The following RABGAP1L variants were observed in gnomAD, a reference collection of about 807,000 sequenced individuals.
The protein encoded by RABGAP1L is rab GTPase-activating protein 1-like.
In RABGAP1L, 63 loss-of-function variants were observed where a neutral mutation model predicts 137.7. That is an observed-to-expected ratio of 0.46 (90% CI 0.37 to 0.56). The LOEUF (loss-of-function observed/expected upper bound fraction) is 0.56. RABGAP1L is among the 20% of genes least tolerant of loss of function. The pLI is 0.00. For missense variants in RABGAP1L, 1,095 were observed against 1,244.0 expected, an observed-to-expected ratio of 0.88 and a Z score of 1.80; for synonymous variants, 431 against 433.7, an observed-to-expected ratio of 0.99 and a Z score of 0.08.
At chr1:174,830,750 T>C (rs1363879136) in intron 19 of RABGAP1L, among the ~76,000 whole-genome samples, 1 of 148,532 alleles carries the variant, frequency 6.7e-6, no homozygotes, top group Non-Finnish European at 1.5e-5. Context: ...GTGCTGGGAT[T>C]ACAGGCATGA....
chr1:174,620,504 G>A (rs1672347957), intron 13 of RABGAP1L, among the ~76,000 whole-genome samples: 1 of 152,244 alleles, frequency 6.6e-6, no homozygotes, highest in East Asian at 1.9e-4. Flanking sequence ...TCAACTACAT[G>A]GAAACTGAAC....
At chr1:174,596,339 G>A (rs918839119) in intron 13 of RABGAP1L, among the ~76,000 whole-genome samples, 1 of 151,992 alleles carries the variant, frequency 6.6e-6, no homozygotes, top group South Asian at 2.1e-4. Context: ...GGGAGCTGTA[G>A]ACCGGAGCTG....
intron 12 of RABGAP1L, among the ~76,000 whole-genome samples, chr1:174,371,383 A>G (rs1316605076): frequency 6.6e-6 from 1 of 151,992 alleles, no homozygotes; most frequent in Non-Finnish European, 1.5e-5. Flanking sequence ...ATTTTATGCT[A>G]TATTGCCAAT....
At chr1:174,638,925 T>C (rs1674295823) in intron 14 of RABGAP1L, among the ~76,000 whole-genome samples, 1 of 138,870 alleles carries the variant, frequency 7.2e-6, no homozygotes, top group Admixed American at 7.2e-5. Context: ...TTGGGAGATA[T>C]ACCTAATGCT....
chr1:174,557,141 T>G (rs1463249192), intron 13 of RABGAP1L, among the ~76,000 whole-genome samples: 1 of 152,220 alleles, frequency 6.6e-6, no homozygotes, highest in African/African-American at 2.4e-5. Flanking sequence ...TGTTTGATAA[T>G]GCTGTGAATT....
rs546940763 is a variant in RABGAP1L at position 174,398,406 on chromosome 1, G to A, written c.1710+4261G>A. On this transcript the variant is annotated intron_variant, in intron 13 of 25. Coordinates refer to ENST00000681986, the MANE Select transcript of RABGAP1L (RefSeq NM_001366446.1). ...GGTCTTTGTGGCTTGGCCAGCCTAC[G>A]TCATGAGTCTTCTTCTTAGTGTAAA... Among the ~76,000 whole-genome samples the A allele has an allele frequency of 3.9e-5, 6 of 152,164 alleles. No individual in the cohort carries two copies. In the East Asian group the frequency reaches 5.8e-4, roughly 15 times the overall value.
intron 19 of RABGAP1L, among the ~76,000 whole-genome samples, chr1:174,891,076 A>G (rs778230435): frequency 3.9e-4 from 60 of 152,250 alleles, no homozygotes; most frequent in Non-Finnish European, 6.0e-4. Context: ...TAAAGGTTAT[A>G]TTAGTTAATA....
At chr1:174,863,532 G>T (rs1650664435) in intron 19 of RABGAP1L, among the ~76,000 whole-genome samples, 1 of 151,640 alleles carries the variant, frequency 6.6e-6, no homozygotes, top group Admixed American at 6.6e-5. Flanking sequence ...AATTAGCCGG[G>T]CATGGTGGCG....
At chr1:174,967,859 T>C (rs910263815) in intron 20 of RABGAP1L, among the ~76,000 whole-genome samples, 1 of 152,088 alleles carries the variant, frequency 6.6e-6, no homozygotes, top group Non-Finnish European at 1.5e-5. Context: ...TTTGGGATTG[T>C]TTTTATCTTT....
intron 14 of RABGAP1L, among the ~76,000 whole-genome samples, chr1:174,653,332 G>A (rs1195124263): frequency 6.6e-6 from 1 of 152,026 alleles, no homozygotes. Context: ...GGTGCCACTG[G>A]GGTATTAAAA....
intron 17 of RABGAP1L, among the ~76,000 whole-genome samples, chr1:174,729,395 A>G (rs543617657): frequency 6.6e-6 from 1 of 152,352 alleles, no homozygotes; most frequent in African/African-American, 2.4e-5. Flanking sequence ...TCTAGGAAAC[A>G]CCATTCTGGA....
chr1:174,250,908 C>T (rs1009737209), intron 6 of RABGAP1L, among the ~76,000 whole-genome samples: 1 of 152,120 alleles, frequency 6.6e-6, no homozygotes, highest in Non-Finnish European at 1.5e-5. Flanking sequence ...TCCAGTGATT[C>T]TCCTGCCTCG....
At chr1:174,444,264 A>T (rs1654490131) in intron 13 of RABGAP1L, among the ~76,000 whole-genome samples, 1 of 151,412 alleles carries the variant, frequency 6.6e-6, no homozygotes, top group African/African-American at 2.4e-5. Context: ...GCTTTGGGTG[A>T]TATTGTCCTT....
chr1:174,682,515 G>A (rs1572793623), intron 14 of RABGAP1L, among the ~76,000 whole-genome samples: 1 of 149,148 alleles, frequency 6.7e-6, no homozygotes, highest in Non-Finnish European at 1.5e-5. Flanking sequence ...AGTACTATAA[G>A]TGTTCCTCAA....
At chr1:174,367,508 T>C (rs758132246) in intron 11 of RABGAP1L, 1 of 192,942 alleles carries the variant, frequency 5.2e-6, no homozygotes, top group African/African-American at 2.4e-5. Flanking sequence ...AGTGTCTTTC[T>C]GATGGCTTAA....
intron 13 of RABGAP1L, among the ~76,000 whole-genome samples, chr1:174,543,543 T>C (rs1282443112): frequency 6.6e-6 from 1 of 152,250 alleles, no homozygotes; most frequent in Non-Finnish European, 1.5e-5. Flanking sequence ...CTTGACTCTT[T>C]ATCCAATTTA....
intron 13 of RABGAP1L, among the ~76,000 whole-genome samples, chr1:174,549,372 G>C (rs1666260860): frequency 6.6e-6 from 1 of 152,114 alleles, no homozygotes; most frequent in South Asian, 2.1e-4. Flanking sequence ...TCAGAGGATG[G>C]GAAAGTGGTG....
At chr1:174,327,984 C>CATATATATATATGTAT (rs1314813386) in intron 11 of RABGAP1L, among the ~76,000 whole-genome samples, 31 of 37,862 alleles carry the variant, frequency 8.2e-4, no homozygotes, top group African/African-American at 3.2e-3. Context: ...TATATACACA[C>CATATATATATATGTAT]ACATATATAT....
intron 19 of RABGAP1L, among the ~76,000 whole-genome samples, chr1:174,831,379 A>G (rs1043266694): frequency 6.7e-6 from 1 of 148,244 alleles, no homozygotes; most frequent in African/African-American, 2.5e-5. Context: ...GAATATTACA[A>G]TTGGTTTTTC....
Sources: allele counts gnomAD v4.1 joint callset (sites outside exome capture counted in the v4.1 genomes callset), GRCh38; gene constraint gnomAD v4.1.1; transcripts MANE v1.5; gene names NCBI Gene and HGNC (gene_info 2026-07-23, HGNC 2026-07-21).